The following TTYH2 variants were observed in gnomAD, a reference collection of about 807,000 sequenced individuals.
TTYH2 encodes tweety family member 2, also known as protein tweety homolog 2.
In TTYH2, 49 loss-of-function variants were observed where a neutral mutation model predicts 68.3. The observed-to-expected ratio is 0.72, with a 90% confidence interval of 0.57 to 0.91. The LOEUF is 0.91. Ranked by LOEUF, TTYH2 falls within the 40% of genes least tolerant of loss-of-function variation. The pLI is 0.00. For synonymous variants in TTYH2, 272 were observed against 300.8 expected, an observed-to-expected ratio of 0.90 and a Z score of 0.99; for missense variants, 631 against 700.4, an observed-to-expected ratio of 0.90 and a Z score of 1.12.
chr17:74,251,878 G>A (rs538122316), intron 10 of TTYH2: 4 of 283,190 alleles, frequency 1.4e-5, no homozygotes, highest in African/African-American at 4.4e-5. Context: ...GGCCAAGCCT[G>A]TCCCCTTTGC....
At chr17:74,255,478 G>A (rs2050684407) in intron 13 of TTYH2, among the ~76,000 whole-genome samples, 1 of 151,470 alleles carries the variant, frequency 6.6e-6, no homozygotes, top group Non-Finnish European at 1.5e-5. Context: ...TTGAGACGGA[G>A]TCTCACTCTT....
chr17:74,224,533 G>A (rs1382399422), intron 2 of TTYH2, among the ~76,000 whole-genome samples: 1 of 152,198 alleles, frequency 6.6e-6, no homozygotes, highest in Non-Finnish European at 1.5e-5. Context: ...GCAGTGTAGG[G>A]AAAACTCAAG....
At position 74,213,604 on chromosome 17, in the gene TTYH2, TG is replaced by T; in HGVS notation, c.19del (p.Asp7ThrfsTer24). The T allele has an allele frequency of 6.2e-7, 1 of 1,607,800 alleles. No homozygotes were observed. The highest frequency in any genetic ancestry group is 8.5e-7 in the Non-Finnish European group (1 of 1,177,812). MQAAR[V>X]DYIAPWWVVW... is the part of the protein sequence containing the mutation. ...GGCCGAGCCATGCAGGCGGCGCGCG[TG>T]GACTACATCGCTCCCTGGTGGGTCG... On this transcript the variant is annotated frameshift_variant, in exon 1 of 14. Coordinates refer to ENST00000269346, the MANE Select transcript of TTYH2 (RefSeq NM_032646.6). LOFTEE classifies it high-confidence loss of function. The surrounding 1 kb of genome is among the most constrained non-coding windows in gnomAD (Gnocchi z 6.1).
intron 13 of TTYH2, among the ~76,000 whole-genome samples, chr17:74,254,459 C>T (rs1033220503): frequency 1.6e-4 from 25 of 152,164 alleles, no homozygotes; most frequent in Non-Finnish European, 2.6e-4. Flanking sequence ...TGAGCCACCG[C>T]GCCCGGCCAG....
intron 13 of TTYH2, among the ~76,000 whole-genome samples, chr17:74,255,830 C>T (rs947758040): frequency 1.2e-4 from 19 of 152,192 alleles, no homozygotes; most frequent in African/African-American, 4.6e-4. Flanking sequence ...AGGCATCTCC[C>T]TTCATTGGGC....
chr17:74,260,401 C>G lies in TTYH2; in HGVS notation c.*192C>G. On this transcript the variant is annotated 3_prime_UTR_variant, in exon 14 of 14. Coordinates refer to ENST00000269346, the MANE Select transcript of TTYH2 (RefSeq NM_032646.6). ...AGACTCACCACGCGGGCCAGCCTCTCTCTTTTGCCCTGCTCTCCACACCAG... is the reference window on the plus strand; with the variant it reads ...AGACTCACCACGCGGGCCAGCCTCTGTCTTTTGCCCTGCTCTCCACACCAG... 3 of 605,590 alleles carry G rather than the reference C, an allele frequency of 5.0e-6. No homozygotes were observed. Among genetic ancestry groups the G allele is most frequent in the Non-Finnish European group, 5.9e-6 (2 of 338,728 alleles). The allele number at this position is 605,590 out of a possible 1,614,324, so 37.5% of individuals were successfully genotyped here. A position where few individuals can be genotyped will look rare whatever the true frequency, so the allele number is the denominator to read the frequency against.
intron 12 of TTYH2, 70 bp downstream of exon 12, chr17:74,253,336 C>T: frequency 1.3e-6 from 2 of 1,494,778 alleles, no homozygotes; most frequent in East Asian, 2.3e-5. Flanking sequence ...GTCCACAGTG[C>T]CGGGTGTGGG....
At position 74,213,602 on chromosome 17, in the gene TTYH2, C is replaced by G; in HGVS notation, c.15C>G (p.Arg5=). Residue 5 remains arginine, a synonymous_variant, in exon 1 of 14, where the codon CGC becomes CGG. Transcript: ENST00000269346. The surrounding 1 kb of genome is among the most constrained non-coding windows in gnomAD (Gnocchi z 6.1). MQAA[R]VDYIAPWWVV... is the part of the protein sequence containing the mutation. Reference sequence around the variant, plus strand: ...CGGGCCGAGCCATGCAGGCGGCGCGCGTGGACTACATCGCTCCCTGGTGGG... The same window carrying G: ...CGGGCCGAGCCATGCAGGCGGCGCGGGTGGACTACATCGCTCCCTGGTGGG... 6.2e-7 allele frequency: 1 copy of G among 1,608,840 alleles called. No homozygotes were observed. Among genetic ancestry groups the G allele is most frequent in the Non-Finnish European group, 8.5e-7 (1 of 1,178,208 alleles).
At chr17:74,244,351 G>A (rs1181465021) in intron 6 of TTYH2, among the ~76,000 whole-genome samples, 3 of 152,224 alleles carry the variant, frequency 2.0e-5, no homozygotes, top group Admixed American at 6.5e-5. Context: ...GCTTAGGCGT[G>A]CCTGGGTGAC....
intron 3 of TTYH2, among the ~76,000 whole-genome samples, chr17:74,235,613 G>T (rs143094753): frequency 6.6e-6 from 1 of 152,188 alleles, no homozygotes; most frequent in Non-Finnish European, 1.5e-5. Context: ...CACATGGCCG[G>T]GCGTGGTGGC....
rs960352112 is a variant in TTYH2, at chr17:74,257,633, G to A, written c.1525-2496G>A. 5.8e-4 allele frequency among the ~76,000 whole-genome samples: 88 copies of A among 152,200 alleles called. 1 individual carries two copies. The highest frequency in any genetic ancestry group is 2.1e-3 in the African/African-American group (85 of 41,454). On this transcript the variant is annotated intron_variant, in intron 13 of 13. Coordinates refer to ENST00000269346, the MANE Select transcript of TTYH2 (RefSeq NM_032646.6). ...GATCGGGATATACAGCCTGTCCCTT[G>A]CTGGAAATGTTTCTTCCCCCAGCTC...
At position 74,260,319 on chromosome 17, in the gene TTYH2, TC is replaced by T; in HGVS notation, c.*112del. On this transcript the variant is annotated 3_prime_UTR_variant, in exon 14 of 14. Coordinates refer to ENST00000269346, the MANE Select transcript of TTYH2 (RefSeq NM_032646.6). Reference sequence around the variant, plus strand: ...AAAGGCATCTGGAGCCCGAGAGGCCTCCTGCTGTGGCAGAGGAGCAGCTGGG... The same window carrying T: ...AAAGGCATCTGGAGCCCGAGAGGCCTCTGCTGTGGCAGAGGAGCAGCTGGG... The T allele has an allele frequency of 8.7e-7, 1 of 1,148,090 alleles. No individual in the cohort carries two copies. The highest frequency in any genetic ancestry group is 1.3e-6 in the Non-Finnish European group (1 of 780,048). The allele number at this position is 1,148,090 out of a possible 1,614,324, so 71.1% of individuals were successfully genotyped here. A position where few individuals can be genotyped will look rare whatever the true frequency, so the allele number is the denominator to read the frequency against.
intron 13 of TTYH2, among the ~76,000 whole-genome samples, chr17:74,256,096 G>A (rs927876785): frequency 6.6e-6 from 1 of 152,156 alleles, no homozygotes; most frequent in Non-Finnish European, 1.5e-5. Context: ...CTATAGAAGG[G>A]GCACTCAAGA....
rs747612064 is a variant in TTYH2 at position 74,225,131 on chromosome 17, C to T, written c.302+2474C>T. 4.6e-5 allele frequency among the ~76,000 whole-genome samples: 7 copies of T among 152,184 alleles called. No individual in the cohort carries two copies. In the South Asian group the frequency reaches 6.2e-4, roughly 14 times the overall value. On this transcript the variant is annotated intron_variant, in intron 2 of 13. Coordinates refer to ENST00000269346, the MANE Select transcript of TTYH2 (RefSeq NM_032646.6). ...CACCCAAACCCATAGGATGAGAAGG[C>T]GTTAACTTGGCAAAGGTGGGGGCAG...
intron 2 of TTYH2, among the ~76,000 whole-genome samples, chr17:74,227,992 T>TC (rs1460004331): frequency 6.9e-6 from 1 of 145,154 alleles, no homozygotes; most frequent in East Asian, 1.9e-4. Context: ...TCTTTTTTTT[T>TC]TTTTTTTTTG....
intron 3 of TTYH2, among the ~76,000 whole-genome samples, chr17:74,236,291 C>T (rs1331129842): frequency 6.6e-6 from 1 of 152,212 alleles, no homozygotes; most frequent in Non-Finnish European, 1.5e-5. Context: ...CTTCACTCAG[C>T]GTTCAGGACC....
At chr17:74,218,659 T>C (rs1400378410) in intron 1 of TTYH2, among the ~76,000 whole-genome samples, 2 of 152,108 alleles carry the variant, frequency 1.3e-5, no homozygotes, top group African/African-American at 2.4e-5. Context: ...CCACAGGGGC[T>C]CAGCGGCTGC....
At chr17:74,225,724 T>C (rs1273814678) in intron 2 of TTYH2, among the ~76,000 whole-genome samples, 1 of 152,076 alleles carries the variant, frequency 6.6e-6, no homozygotes, top group Non-Finnish European at 1.5e-5. Flanking sequence ...AGCAGGGCCC[T>C]GGCTGCCTTA....
At chr17:74,220,240 A>C (rs891372028) in intron 1 of TTYH2, among the ~76,000 whole-genome samples, 1 of 152,006 alleles carries the variant, frequency 6.6e-6, no homozygotes, top group African/African-American at 2.4e-5. Context: ...ATTTCTATCC[A>C]CTCCTCACTC....
Sources: allele counts gnomAD v4.1 joint callset (sites outside exome capture counted in the v4.1 genomes callset), GRCh38; gene constraint gnomAD v4.1.1; non-coding constraint Gnocchi (gnomAD v3.1); transcripts MANE v1.5; gene names NCBI Gene and HGNC (gene_info 2026-07-23, HGNC 2026-07-21).